RAB11FIP4: variants seen among roughly 807,000 people sequenced by gnomAD.
RAB11FIP4 encodes rab11 family-interacting protein 4.
Under a neutral mutation model 74.3 loss-of-function variants are expected in RAB11FIP4, and 23 were observed. The ratio of observed to expected loss-of-function variants is 0.31; its 90% CI spans 0.22 to 0.44. The LOEUF is 0.44. Among genes scored for constraint, RAB11FIP4 ranks in the 20% least tolerant of loss-of-function variants. The pLI, the probability that RAB11FIP4 is intolerant of heterozygous loss-of-function variation, is 1.00. For missense variants in RAB11FIP4, 630 were observed against 863.9 expected (o/e 0.73, Z 3.39); for synonymous variants, 360 against 359.9 (o/e 1.00, Z 0.00).
chr17:31,426,828 T>C (rs2151625874), intron 1 of RAB11FIP4, among the ~76,000 whole-genome samples: 1 of 152,212 alleles, frequency 6.6e-6, no homozygotes, highest in East Asian at 1.9e-4. Flanking sequence ...TCTCAATCTC[T>C]TGACCTAGTG....
Position 31,536,431 on chromosome 17 carries a change from C to G in RAB11FIP4, c.*4699C>G, listed in dbSNP as rs1162871912. The G allele has an allele frequency of 2.0e-5, 3 of 152,452 alleles. No homozygotes were observed. The South Asian group carries it at 6.2e-4, about 32-fold the overall frequency. 9.4% of individuals were successfully genotyped at this position (152,452 alleles called of 1,614,324 possible). ...AAATGACTTTGGTTGCCCAGCAGAT[C>G]CACAGCGACTCTTTCTCAAGGGCTA... On this transcript the variant is annotated 3_prime_UTR_variant, in exon 15 of 15. Coordinates refer to ENST00000621161, the MANE Select transcript of RAB11FIP4 (RefSeq NM_032932.6).
chr17:31,531,878 G>T lies in RAB11FIP4; in HGVS notation c.*146G>T. On this transcript the variant is annotated 3_prime_UTR_variant, in exon 15 of 15. Coordinates refer to ENST00000621161, the MANE Select transcript of RAB11FIP4 (RefSeq NM_032932.6). ...CGTTACGTGTACCCGTGTATATGTGGGGAGGCTGTGCACACGAGCGAGGGG... is the reference window on the plus strand; with the variant it reads ...CGTTACGTGTACCCGTGTATATGTGTGGAGGCTGTGCACACGAGCGAGGGG... 1.5e-6 allele frequency: 1 copy of T among 657,596 alleles called. No individual in the cohort carries two copies. The highest frequency in any genetic ancestry group is 2.4e-5 in the Admixed American group (1 of 41,062). The allele number at this position is 657,596 out of a possible 1,614,324, so 40.7% of individuals were successfully genotyped here.
chr17:31,475,147 A>G (rs1567668300), intron 3 of RAB11FIP4, among the ~76,000 whole-genome samples: 1 of 152,154 alleles, frequency 6.6e-6, no homozygotes, highest in Non-Finnish European at 1.5e-5. Flanking sequence ...TCTGTGAATA[A>G]TGCTTTGTAT....
chr17:31,435,868 A>C (rs1398150203), intron 3 of RAB11FIP4, among the ~76,000 whole-genome samples: 1 of 152,252 alleles, frequency 6.6e-6, no homozygotes, highest in Non-Finnish European at 1.5e-5. Context: ...TGCTCAAAGC[A>C]AGAGCCCTCA....
At chr17:31,462,281 CAA>C (rs111709214) in intron 3 of RAB11FIP4, among the ~76,000 whole-genome samples, 1 of 143,874 alleles carries the variant, frequency 7.0e-6, no homozygotes, top group African/African-American at 2.5e-5. Flanking sequence ...AAACAAAAAA[CAA>C]AAAAAAAAAC....
At chr17:31,495,154 G>A (rs1295746638) in intron 3 of RAB11FIP4, among the ~76,000 whole-genome samples, 1 of 152,190 alleles carries the variant, frequency 6.6e-6, no homozygotes, top group Non-Finnish European at 1.5e-5. Context: ...TGAGGCTCTG[G>A]CTGGCCACAA....
Position 31,530,308 on chromosome 17 carries a change from T to C in RAB11FIP4, c.1654-18T>C, listed in dbSNP as rs766748700. The C allele has an allele frequency of 3.7e-6, 6 of 1,612,478 alleles. No homozygotes were observed. The highest frequency in any genetic ancestry group is 1.3e-5 in the African/African-American group (1 of 74,910). ...ATGCCTCTTGGGGTTGATGTCGCCT[T>C]CGTCCTTCTCTCTGTAGGAGAATTA... On this transcript the variant is annotated intron_variant, in intron 13 of 14. Coordinates refer to ENST00000621161, the MANE Select transcript of RAB11FIP4 (RefSeq NM_032932.6).
chr17:31,415,643 G>A (rs2071140039), intron 1 of RAB11FIP4, among the ~76,000 whole-genome samples: 1 of 152,052 alleles, frequency 6.6e-6, no homozygotes, highest in Admixed American at 6.6e-5. Context: ...TGCTGTCATT[G>A]TCCAGATGGG....
chr17:31,464,378 G>T (rs1410565063), intron 3 of RAB11FIP4, among the ~76,000 whole-genome samples: 1 of 152,138 alleles, frequency 6.6e-6, no homozygotes, highest in Non-Finnish European at 1.5e-5. Flanking sequence ...AGAATCAAAG[G>T]GAAACATCAG....
In RAB11FIP4 at chr17:31,411,233, G is replaced by A. The variant is rs563979409; in HGVS notation, c.159+19222G>A. 2.1e-4 allele frequency among the ~76,000 whole-genome samples: 32 copies of A among 152,204 alleles called. 1 individual carries two copies. Among genetic ancestry groups the A allele is most frequent in the South Asian group, 8.3e-4 (4 of 4,816 alleles). The stretch of plus-strand genomic sequence containing the variant: ...AAAAAAATTAGCCAGGCGTGATGGC[G>A]GGCGCCTGTAGTCCCAGCTACTCTG... On this transcript the variant is annotated intron_variant, in intron 1 of 14. Coordinates refer to ENST00000621161, the MANE Select transcript of RAB11FIP4 (RefSeq NM_032932.6).
intron 3 of RAB11FIP4, among the ~76,000 whole-genome samples, chr17:31,505,876 A>AC (rs1419616702): frequency 3.6e-5 from 5 of 137,302 alleles, no homozygotes; most frequent in Non-Finnish European, 7.8e-5. Flanking sequence ...ATTCTTTTTT[A>AC]CTTTTTTTTT....
At chr17:31,521,049 G>A in intron 4 of RAB11FIP4, 117 bp from the exon 5 acceptor site, 1 of 762,352 alleles carries the variant, frequency 1.3e-6, no homozygotes, top group Non-Finnish European at 2.1e-6. Context: ...CAGGTCAAGA[G>A]CTACAAACTT....
intron 14 of RAB11FIP4, chr17:31,531,178 G>C (rs1301238828): frequency 1.2e-5 from 2 of 166,992 alleles, no homozygotes; most frequent in Non-Finnish European, 2.6e-5. Context: ...CAGCATGTCA[G>C]CAATGTCCGA....
intron 3 of RAB11FIP4, among the ~76,000 whole-genome samples, chr17:31,507,362 T>G (rs573794706): frequency 7.2e-5 from 11 of 152,354 alleles, no homozygotes; most frequent in African/African-American, 2.6e-4. Context: ...ATTTGTTATT[T>G]TCTGTCTCTT....
intron 3 of RAB11FIP4, among the ~76,000 whole-genome samples, chr17:31,466,858 A>C (rs906876994): frequency 5.3e-5 from 8 of 152,212 alleles, no homozygotes; most frequent in African/African-American, 1.9e-4. Context: ...TACCACCTTG[A>C]GTCTCAAAAG....
chr17:31,423,193 A>C (rs987819019), intron 1 of RAB11FIP4, among the ~76,000 whole-genome samples: 1 of 152,192 alleles, frequency 6.6e-6, no homozygotes, highest in African/African-American at 2.4e-5. Flanking sequence ...TGCTGGGATT[A>C]CAGGCGTGAG....
intron 3 of RAB11FIP4, among the ~76,000 whole-genome samples, chr17:31,452,632 C>A (rs1242033561): frequency 6.6e-6 from 1 of 152,190 alleles, no homozygotes; most frequent in African/African-American, 2.4e-5. Flanking sequence ...CCCCTACATG[C>A]CATGGGACCA....
chr17:31,420,319 C>T (rs7504086), intron 1 of RAB11FIP4, among the ~76,000 whole-genome samples: 84,041 of 152,028 alleles, frequency 0.55, 27,081 homozygotes, highest in Non-Finnish European at 0.71. Context: ...CAGCCTTGAC[C>T]TCCCTGGCTC....
At chr17:31,466,922 T>G (rs1210845789) in intron 3 of RAB11FIP4, among the ~76,000 whole-genome samples, 1 of 152,156 alleles carries the variant, frequency 6.6e-6, no homozygotes, top group Non-Finnish European at 1.5e-5. Context: ...TTTCCATTTT[T>G]CTGGACAAAT....
Sources: gnomAD v4.1 joint callset for allele counts (sites outside exome capture counted in the v4.1 genomes callset) on GRCh38, gnomAD v4.1.1 for gene constraint, MANE v1.5 for transcripts, NCBI Gene and HGNC (gene_info 2026-07-23, HGNC 2026-07-21) for gene names.